The following BLTP1 variants were observed in gnomAD, a reference collection of about 807,000 sequenced individuals.
The protein encoded by BLTP1 is bridge-like lipid transfer protein family member 1.
the BLTP1 span, chr4:122,221,028 A>G: frequency 1.1e-6 from 1 of 944,274 alleles, no homozygotes. Context: ...TTCATGCCAA[A>G]TGGCTTTCTG....
the BLTP1 span, chr4:122,276,100 C>T: frequency 8.3e-7 from 1 of 1,211,594 alleles, no homozygotes; most frequent in African/African-American, 1.6e-5. Flanking sequence ...AAATTTTTTT[C>T]ATGGCTGTGA....
At chr4:122,209,168 G>A in the BLTP1 span, 20 of 1,604,312 alleles carry the variant, frequency 1.2e-5, no homozygotes, top group South Asian at 5.6e-5. Flanking sequence ...GGGAGAAGAT[G>A]TTGATCTTCA....
the BLTP1 span, chr4:122,162,703 A>G: frequency 1.0e-6 from 1 of 970,802 alleles, no homozygotes; most frequent in South Asian, 4.8e-5. Context: ...GAAAAGGGAC[A>G]GTAGAAGGTA....
chr4:122,153,719 G>A, the BLTP1 span, among the ~76,000 whole-genome samples: 1 of 152,168 alleles, frequency 6.6e-6, no homozygotes, highest in Non-Finnish European at 1.5e-5. Flanking sequence ...CTTTCTCAAT[G>A]TGCATTTTGA....
At chr4:122,287,727 T>C in the BLTP1 span, 1 of 984,494 alleles carries the variant, frequency 1.0e-6, no homozygotes, top group Non-Finnish European at 1.2e-6. Flanking sequence ...TAGGTCCTGC[T>C]TGCCCTGGAA....
At chr4:122,289,612 A>C in the BLTP1 span, 1 of 985,408 alleles carries the variant, frequency 1.0e-6, no homozygotes, top group Non-Finnish European at 1.2e-6. Flanking sequence ...CTGTTCCTCA[A>C]GAATAGCTTA....
At chr4:122,325,119 T>C in the BLTP1 span, 1 of 1,060,040 alleles carries the variant, frequency 9.4e-7, no homozygotes, top group Non-Finnish European at 1.3e-6. Flanking sequence ...ATCCTTTGAT[T>C]AGGTAAATAC....
chr4:122,318,784 C>T, the BLTP1 span, among the ~76,000 whole-genome samples: 2 of 152,082 alleles, frequency 1.3e-5, no homozygotes, highest in South Asian at 2.1e-4. Context: ...TTTTTAAAAA[C>T]CATTTTGCCC....
At chr4:122,187,145 A>G in the BLTP1 span, 1 of 984,572 alleles carries the variant, frequency 1.0e-6, no homozygotes, top group African/African-American at 1.7e-5. Context: ...TAATGACAGC[A>G]TATCATCCCT....
At chr4:122,224,850 A>G in the BLTP1 span, 62 of 1,517,006 alleles carry the variant, frequency 4.1e-5, no homozygotes, top group Non-Finnish European at 5.1e-5. Context: ...ATCAGAGACA[A>G]GTTTGACTTT....
the BLTP1 span, among the ~76,000 whole-genome samples, chr4:122,300,514 G>T: frequency 6.6e-6 from 1 of 151,726 alleles, no homozygotes; most frequent in Admixed American, 6.6e-5. Flanking sequence ...TCTGTTGACT[G>T]TTGCCTCTAT....
At chr4:122,266,280 G>A in the BLTP1 span, among the ~76,000 whole-genome samples, 1 of 152,152 alleles carries the variant, frequency 6.6e-6, no homozygotes, top group Non-Finnish European at 1.5e-5. Context: ...TGTAAAGGAA[G>A]TTCTCTGAAG....
At chr4:122,305,074 C>T in the BLTP1 span, 1 of 1,293,938 alleles carries the variant, frequency 7.7e-7, no homozygotes, top group Non-Finnish European at 1.0e-6. Flanking sequence ...ATTATATTTA[C>T]AAAAATATTT....
chr4:122,202,687 G>C, the BLTP1 span: 15 of 187,748 alleles, frequency 8.0e-5, no homozygotes, highest in Admixed American at 1.3e-4. Flanking sequence ...CTCTTGCAGT[G>C]CTAAGAATAG....
At chr4:122,330,905 A>AT in the BLTP1 span, 71 of 745,704 alleles carry the variant, frequency 9.5e-5, no homozygotes, top group South Asian at 1.8e-4. Flanking sequence ...GTTCAATTTC[A>AT]TTTTTTTTGA....
chr4:122,171,309 A>T, the BLTP1 span, among the ~76,000 whole-genome samples: 1 of 152,118 alleles, frequency 6.6e-6, no homozygotes, highest in South Asian at 2.1e-4. Flanking sequence ...AATATGAATG[A>T]ATGAGAGGGA....
At chr4:122,334,410 A>G in the BLTP1 span, 3 of 1,612,870 alleles carry the variant, frequency 1.9e-6, no homozygotes, top group East Asian at 6.7e-5. Context: ...TTCCTTGCCA[A>G]GAACACTGTC....
At chr4:122,178,438 C>T in the BLTP1 span, among the ~76,000 whole-genome samples, 3 of 152,188 alleles carry the variant, frequency 2.0e-5, no homozygotes, top group East Asian at 1.9e-4. Flanking sequence ...CATAAACAAA[C>T]GGTGACTGTA....
the BLTP1 span, among the ~76,000 whole-genome samples, chr4:122,311,112 A>T: frequency 6.6e-6 from 1 of 152,186 alleles, no homozygotes; most frequent in Non-Finnish European, 1.5e-5. Context: ...TATATTTGGA[A>T]AAAAAGGAAG....
Sources: gnomAD v4.1 joint callset for allele counts (sites outside exome capture counted in the v4.1 genomes callset) on GRCh38, gnomAD v4.1.1 for gene constraint, MANE v1.5 for transcripts, NCBI Gene and HGNC (gene_info 2026-07-23, HGNC 2026-07-21) for gene names.